The following SERINC2 variants were observed in gnomAD, a reference collection of about 807,000 sequenced individuals.
SERINC2 encodes tumor differentially expressed protein 2.
In SERINC2, 56 loss-of-function variants were observed where a neutral mutation model predicts 54.2. The ratio of observed to expected loss-of-function variants is 1.03; its 90% CI spans 0.83 to 1.29. The LOEUF (loss-of-function observed/expected upper bound fraction) is 1.29. Among genes scored for constraint, SERINC2 ranks in the 50% most tolerant of loss-of-function variants. The pLI, the probability that SERINC2 is intolerant of heterozygous loss-of-function variation, is 0.00. For missense variants in SERINC2, 614 were observed against 607.4 expected (o/e 1.01, Z -0.12); for synonymous variants, 272 against 253.1 (o/e 1.07, Z -0.71).
chr1:31,432,085 AGGGT>A (rs1641281140), intron 8 of SERINC2, among the ~76,000 whole-genome samples: 2 of 117,262 alleles, frequency 1.7e-5, no homozygotes, highest in Non-Finnish European at 3.5e-5. Flanking sequence ...CAGGGTGGTT[AGGGT>A]GGACAGGGTG....
At chr1:31,427,534 A>C (rs1553133809) in intron 6 of SERINC2, among the ~76,000 whole-genome samples, 1 of 152,172 alleles carries the variant, frequency 6.6e-6, no homozygotes, top group African/African-American at 2.4e-5. Context: ...GTCACACAGC[A>C]ATCAGTATTT....
chr1:31,413,738 C>A lies in SERINC2; in HGVS notation c.39+434C>A. On this transcript the variant is annotated intron_variant, in intron 1 of 9. Transcript: ENST00000373709. The surrounding 1 kb of genome is among the most constrained non-coding windows in gnomAD (Gnocchi z 5.0). Reference sequence around the variant, plus strand: ...GTCGCCCGGGCCCCGTCCCTCCTGGCGAGTGCCCTGCCCTACCCCTCTGGC... The same window carrying A: ...GTCGCCCGGGCCCCGTCCCTCCTGGAGAGTGCCCTGCCCTACCCCTCTGGC... The A allele has an allele frequency of 1.5e-6, 2 of 1,319,568 alleles. No homozygotes were observed. The highest frequency in any genetic ancestry group is 9.6e-7 in the Non-Finnish European group (1 of 1,039,296). The allele number at this position is 1,319,568 out of a possible 1,614,324, so 81.7% of individuals were successfully genotyped here.
In SERINC2 at chr1:31,423,802, T is replaced by A. The variant is rs138847753; in HGVS notation, c.149T>A (p.Val50Glu). Reference sequence around the variant, plus strand: ...TTCACGTTCTTCCTCTTCCTGGGGGTGCTGGTGTCCATCATTATGCTGAGC... The same window carrying A: ...TTCACGTTCTTCCTCTTCCTGGGGGAGCTGGTGTCCATCATTATGCTGAGC... Reference protein sequence around the residue: ...LIFTFFLFLGVLVSIIMLSPG... With the variant: ...LIFTFFLFLGELVSIIMLSPG... Residue 50 changes from valine to glutamate, a missense_variant, in exon 2 of 10, where the codon GTG (valine) becomes GAG (glutamate). Coordinates refer to ENST00000373709, the MANE Select transcript of SERINC2 (RefSeq NM_178865.5). 1.6e-4 allele frequency: 251 copies of A among 1,613,922 alleles called. No homozygotes were observed. Among genetic ancestry groups the A allele is most frequent in the Non-Finnish European group, 2.0e-4 (234 of 1,179,980 alleles).
chr1:31,433,228 G>T (rs781867758), intron 9 of SERINC2, 43 bp downstream of exon 9: 2 of 1,529,512 alleles, frequency 1.3e-6, no homozygotes, highest in Non-Finnish European at 9.0e-7. Flanking sequence ...GAGGTGCAGG[G>T]TGCAGGTCCA....
At chr1:31,418,454 C>T (rs1250398132) in intron 1 of SERINC2, among the ~76,000 whole-genome samples, 1 of 152,164 alleles carries the variant, frequency 6.6e-6, no homozygotes, top group Non-Finnish European at 1.5e-5. Context: ...CAGCTCACTG[C>T]AACTTCTGCC....
Position 31,413,580 on chromosome 1 carries a change from C to A in SERINC2, c.39+276C>A, listed in dbSNP as rs1192565862. Among the ~76,000 whole-genome samples the A allele has an allele frequency of 6.6e-6, 1 of 151,788 alleles. No homozygotes were observed. Among genetic ancestry groups the A allele is most frequent in the African/African-American group, 2.4e-5 (1 of 41,372 alleles). On this transcript the variant is annotated intron_variant, in intron 1 of 9. Transcript: ENST00000373709. The surrounding 1 kb of genome is among the most constrained non-coding windows in gnomAD (Gnocchi z 5.0). ...AGGAGGGGAGTGCCCTCGGCGGGCG[C>A]CCTCCTGGGACCTGGAGAGACTAAG... is the stretch of plus-strand genomic sequence containing the variant.
At chr1:31,429,614 C>T in intron 8 of SERINC2, 76 bp downstream of exon 8, 4 of 1,461,392 alleles carry the variant, frequency 2.7e-6, no homozygotes, top group South Asian at 1.3e-5. Context: ...GGTGTGGGAG[C>T]CAGGATACCA....
intron 1 of SERINC2, among the ~76,000 whole-genome samples, chr1:31,423,151 G>T (rs1170500418): frequency 1.3e-5 from 2 of 152,184 alleles, no homozygotes; most frequent in South Asian, 4.1e-4. Flanking sequence ...GCTGGAAAGC[G>T]GAGGCCGACA....
At chr1:31,417,562 G>C (rs1334219723) in intron 1 of SERINC2, among the ~76,000 whole-genome samples, 2 of 152,106 alleles carry the variant, frequency 1.3e-5, no homozygotes, top group African/African-American at 4.8e-5. Flanking sequence ...AACATAAAAT[G>C]TACCATTTTA....
chr1:31,423,838 A>G lies in SERINC2; in HGVS notation c.185A>G (p.Glu62Gly). The G allele has an allele frequency of 6.2e-7, 1 of 1,613,856 alleles. No homozygotes were observed. The highest frequency in any genetic ancestry group is 8.5e-7 in the Non-Finnish European group (1 of 1,179,974). The change falls in exon 2 of 10, where the codon GAG (glutamate) becomes GGG (glycine). Residue 62 changes from glutamate to glycine, a missense_variant. Glu to Gly is a moderately conservative substitution (Grantham distance 98). Coordinates refer to ENST00000373709, the MANE Select transcript of SERINC2 (RefSeq NM_178865.5). ...ATCATTATGCTGAGCCCGGGCGTGGAGAGTCAGCTCTACAAGGTGAGTGCC... is the reference window on the plus strand; with the variant it reads ...ATCATTATGCTGAGCCCGGGCGTGGGGAGTCAGCTCTACAAGGTGAGTGCC... ...VSIIMLSPGV[E>G]SQLYKLPWVC...
At position 31,413,789 on chromosome 1, in the gene SERINC2, C is replaced by A. The variant is rs1553131808; in HGVS notation, c.39+485C>A. On this transcript the variant is annotated intron_variant, in intron 1 of 9. Coordinates refer to ENST00000373709, the MANE Select transcript of SERINC2 (RefSeq NM_178865.5). This position sits in a 1 kb window ranked among gnomAD's most constrained non-coding sequence, Gnocchi z 5.0. ...CGCCTGCCAGTCCGCCTGTTCCTGTCGCTCGGGCTCCGCCTGTCCGTTCGT... is the reference window on the plus strand; with the variant it reads ...CGCCTGCCAGTCCGCCTGTTCCTGTAGCTCGGGCTCCGCCTGTCCGTTCGT... 1.5e-6 allele frequency: 2 copies of A among 1,373,808 alleles called. No individual in the cohort carries two copies. The highest frequency in any genetic ancestry group is 1.9e-6 in the Non-Finnish European group (2 of 1,070,510). The allele number at this position is 1,373,808 out of a possible 1,614,324, so 85.1% of individuals were successfully genotyped here. A position where few individuals can be genotyped will look rare whatever the true frequency, so the allele number is the denominator to read the frequency against.
chr1:31,410,142 C>T, upstream of SERINC2: 1 of 1,420,440 alleles, frequency 7.0e-7, no homozygotes, highest in Non-Finnish European at 9.2e-7. Context: ...TCCAACCCTC[C>T]AGTGAGGCTC....
chr1:31,429,199 CATGAGATGG>C, intron 7 of SERINC2, 131 bp downstream of exon 7: 1 of 1,023,974 alleles, frequency 9.8e-7, no homozygotes, highest in South Asian at 1.4e-5. Context: ...TCAGTCCTCC[CATGAGATGG>C]GAGGGCCCCG....
rs1641401987 is a variant in SERINC2, at chr1:31,434,152, T to TG, written c.1323dup (p.Thr442AspfsTer49). The TG allele has an allele frequency of 1.2e-6, 2 of 1,613,858 alleles. No individual in the cohort carries two copies. Among genetic ancestry groups the TG allele is most frequent in the Non-Finnish European group, 1.7e-6 (2 of 1,179,904 alleles). On this transcript the variant is annotated frameshift_variant, in exon 10 of 10. Coordinates refer to ENST00000373709, the MANE Select transcript of SERINC2 (RefSeq NM_178865.5). LOFTEE classifies it high-confidence loss of function. ...CTGGGCAGGGCTGCTCCTCTACCTG[T>TG]GGACCCTGGTAGCCCCACTCCTCCT...
upstream of SERINC2, chr1:31,410,210 G>A (rs575789205): frequency 6.9e-7 from 1 of 1,441,560 alleles, no homozygotes; most frequent in Admixed American, 2.8e-5. Flanking sequence ...TGTGCTTTTG[G>A]GGGTGCAAGA....
chr1:31,411,010 T>G (rs144554044), upstream of SERINC2, among the ~76,000 whole-genome samples: 10 of 152,264 alleles, frequency 6.6e-5, no homozygotes, highest in African/African-American at 2.4e-4. Flanking sequence ...AGACTGTCAG[T>G]CACAGAAGAA....
At position 31,413,755 on chromosome 1, in the gene SERINC2, C is replaced by G; in HGVS notation, c.39+451C>G. The G allele has an allele frequency of 2.9e-6, 4 of 1,376,174 alleles. No homozygotes were observed. Among genetic ancestry groups the G allele is most frequent in the Non-Finnish European group, 3.7e-6 (4 of 1,071,796 alleles). The allele number at this position is 1,376,174 out of a possible 1,614,324, so 85.2% of individuals were successfully genotyped here. On this transcript the variant is annotated intron_variant, in intron 1 of 9. Transcript: ENST00000373709. This position sits in a 1 kb window ranked among gnomAD's most constrained non-coding sequence, Gnocchi z 5.0. ...CCTCCTGGCGAGTGCCCTGCCCTAC[C>G]CCTCTGGCCGCCTGCCAGTCCGCCT...
At chr1:31,427,136 C>T (rs1441826667) in intron 6 of SERINC2, among the ~76,000 whole-genome samples, 2 of 152,222 alleles carry the variant, frequency 1.3e-5, no homozygotes, top group African/African-American at 2.4e-5. Flanking sequence ...ATCTCTCAGA[C>T]ATTAGCTATT....
In SERINC2 at chr1:31,434,223, G is replaced by GGCA; in HGVS notation, c.*25_*26insCAG. The GGCA allele has an allele frequency of 6.2e-7, 1 of 1,606,844 alleles. No individual in the cohort carries two copies. The highest frequency in any genetic ancestry group is 1.7e-4 in the Middle Eastern group (1 of 6,032). ...GAGGCAGCCTCACAGCCTGCCATCTGGTGCCTCCTGCCACCTGGTGCCTCT... is the reference window on the plus strand; with the variant it reads ...GAGGCAGCCTCACAGCCTGCCATCTGGCAGTGCCTCCTGCCACCTGGTGCCTCT... On this transcript the variant is annotated 3_prime_UTR_variant, in exon 10 of 10. Coordinates refer to ENST00000373709, the MANE Select transcript of SERINC2 (RefSeq NM_178865.5).
Sources: gnomAD v4.1 joint callset for allele counts (sites outside exome capture counted in the v4.1 genomes callset) on GRCh38, gnomAD v4.1.1 for gene constraint, Gnocchi (gnomAD v3.1) non-coding constraint, MANE v1.5 for transcripts, NCBI Gene and HGNC (gene_info 2026-07-23, HGNC 2026-07-21) for gene names.